Variants in UNC119B observed in about 807,000 individuals in gnomAD.
The protein encoded by UNC119B is unc-119 lipid binding chaperone B, also known as protein unc-119 homolog B.
A neutral mutation model predicts 23.4 loss-of-function variants in UNC119B; 16 were observed. That is an observed-to-expected ratio of 0.68 (90% CI 0.46 to 1.04). The LOEUF is 1.04. Among genes scored for constraint, UNC119B ranks in the 50% least tolerant of loss-of-function variants. The pLI, the probability that UNC119B is intolerant of heterozygous loss-of-function variation, is 0.00. For missense variants in UNC119B, 350 were observed against 361.3 expected (o/e 0.97, Z 0.25); for synonymous variants, 144 against 145.4 (o/e 0.99, Z 0.07).
rs1158711136 is a variant in UNC119B at position 120,720,660 on chromosome 12, C to T, written c.*628C>T. 1 of 152,346 alleles carries T rather than the reference C, an allele frequency of 6.6e-6. No individual in the cohort carries two copies. The highest frequency in any genetic ancestry group is 1.5e-5 in the Non-Finnish European group (1 of 68,074). 9.4% of individuals were successfully genotyped at this position (152,346 alleles called of 1,614,324 possible). ...AGAGGCTGCTGCTCTGTCTGACTTC[C>T]AGGGTCTCAGCCAGCCCTCCTGGGA... On this transcript the variant is annotated 3_prime_UTR_variant, in exon 5 of 5. Coordinates refer to ENST00000344651, the MANE Select transcript of UNC119B (RefSeq NM_001080533.3).
At position 120,710,640 on chromosome 12, in the gene UNC119B, G is replaced by T; in HGVS notation, c.166G>T (p.Ala56Ser). 6.9e-7 allele frequency: 1 copy of T among 1,447,754 alleles called. No homozygotes were observed. The highest frequency in any genetic ancestry group is 9.1e-7 in the Non-Finnish European group (1 of 1,104,760). 89.7% of individuals were successfully genotyped at this position (1,447,754 alleles called of 1,614,324 possible). ...HHAADDGVGAAVTEQELLALD... is the reference protein window; with the variant it reads ...HHAADDGVGASVTEQELLALD... ...CGCGGCCGACGACGGCGTCGGGGCA[G>T]CGGTCACGGAGCAGGAGCTGCTGGC... Residue 56 changes from alanine (A) to serine (S), a missense_variant, in exon 1 of 5, where the codon GCG becomes TCG. Physicochemically the swap from Ala to Ser is moderately conservative, Grantham distance 99. Coordinates refer to ENST00000344651, the MANE Select transcript of UNC119B (RefSeq NM_001080533.3).
At chr12:120,715,051 C>T (rs921470268) in intron 2 of UNC119B, among the ~76,000 whole-genome samples, 1 of 151,980 alleles carries the variant, frequency 6.6e-6, no homozygotes, top group Non-Finnish European at 1.5e-5. Flanking sequence ...ATTAGCCAGG[C>T]GTGGTGGCAC....
intron 2 of UNC119B, 77 bp from the exon 3 acceptor site, chr12:120,716,551 G>A (rs1882783454): frequency 6.8e-7 from 1 of 1,472,646 alleles, no homozygotes; most frequent in Non-Finnish European, 9.5e-7. Flanking sequence ...TTGCCATTGT[G>A]CTGTTGGGAC....
intron 4 of UNC119B, among the ~76,000 whole-genome samples, chr12:120,719,059 T>G (rs1211321263): frequency 6.6e-6 from 1 of 152,210 alleles, no homozygotes; most frequent in African/African-American, 2.4e-5. Flanking sequence ...AGTTTTGGCA[T>G]TGGTGGGTTC....
In UNC119B at chr12:120,710,707, G is replaced by A; in HGVS notation, c.233G>A (p.Arg78Gln). Residue 78 changes from arginine to glutamine, a missense_variant, in exon 1 of 5, where the codon CGG (arginine) becomes CAG (glutamine). Physicochemically the swap from Arg to Gln is conservative, Grantham distance 43 (BLOSUM62 1). Coordinates refer to ENST00000344651, the MANE Select transcript of UNC119B (RefSeq NM_001080533.3). Reference sequence around the variant, plus strand: ...CCCGAGCACGTCCTGCGCCTCAGCCGGGTCACCGAGAGTGAGTGCCGCGCG... The same window carrying A: ...CCCGAGCACGTCCTGCGCCTCAGCCAGGTCACCGAGAGTGAGTGCCGCGCG... ...IRPEHVLRLS[R>Q]VTENYLCKPE... 7.0e-7 allele frequency: 1 copy of A among 1,424,642 alleles called. No individual in the cohort carries two copies. The highest frequency in any genetic ancestry group is 9.2e-7 in the Non-Finnish European group (1 of 1,092,040). The allele number at this position is 1,424,642 out of a possible 1,614,324, so 88.3% of individuals were successfully genotyped here.
intron 1 of UNC119B, among the ~76,000 whole-genome samples, chr12:120,712,849 C>G (rs549023644): frequency 6.6e-6 from 1 of 152,210 alleles, no homozygotes; most frequent in East Asian, 1.9e-4. Context: ...GTTTGCTGAT[C>G]TCGGCTTTCT....
In UNC119B at chr12:120,710,681, G is replaced by C; in HGVS notation, c.207G>C (p.Arg69=). 16 of 1,447,172 alleles carry C rather than the reference G, an allele frequency of 1.1e-5. No individual in the cohort carries two copies. Among genetic ancestry groups the C allele is most frequent in the Non-Finnish European group, 1.4e-5 (16 of 1,104,526 alleles). The allele number at this position is 1,447,172 out of a possible 1,614,324, so 89.6% of individuals were successfully genotyped here. The change falls in exon 1 of 5, where the codon CGG becomes CGC. Residue 69 remains arginine (R), a synonymous_variant. Coordinates refer to ENST00000344651, the MANE Select transcript of UNC119B (RefSeq NM_001080533.3). ...EQELLALDTI[R]PEHVLRLSRV... ...AGCTGCTGGCGCTGGACACCATCCG[G>C]CCCGAGCACGTCCTGCGCCTCAGCC...
In UNC119B at chr12:120,720,400, A is replaced by C. The variant is rs556688340; in HGVS notation, c.*368A>C. ...TGAGAAGGCTCTGGCCAGGCCCACC[A>C]GCAGGTCAGCAGCTCTTAAGGTTCC... On this transcript the variant is annotated 3_prime_UTR_variant, in exon 5 of 5. Coordinates refer to ENST00000344651, the MANE Select transcript of UNC119B (RefSeq NM_001080533.3). The C allele has an allele frequency of 5.5e-6, 1 of 182,638 alleles. No individual in the cohort carries two copies. Among genetic ancestry groups the C allele is most frequent in the African/African-American group, 2.4e-5 (1 of 42,082 alleles). The allele number at this position is 182,638 out of a possible 1,614,324, so 11.3% of individuals were successfully genotyped here.
chr12:120,715,409 A>G (rs1218743641), intron 2 of UNC119B, among the ~76,000 whole-genome samples: 1 of 152,150 alleles, frequency 6.6e-6, no homozygotes, highest in African/African-American at 2.4e-5. Flanking sequence ...TGATGCTGAA[A>G]AAGTCTTCTC....
At chr12:120,711,009 C>T (rs936546134) in intron 1 of UNC119B, 1 of 262,878 alleles carries the variant, frequency 3.8e-6, no homozygotes, top group African/African-American at 2.2e-5. Context: ...GTAGAGGGCC[C>T]CGTTCAGCTG....
chr12:120,718,402 G>C (rs1807133156), intron 4 of UNC119B, among the ~76,000 whole-genome samples: 1 of 152,204 alleles, frequency 6.6e-6, no homozygotes, highest in South Asian at 2.1e-4. Flanking sequence ...CAAGGCCAGA[G>C]GACTTCTTTT....
chr12:120,713,065 A>C (rs1882701209), intron 1 of UNC119B, among the ~76,000 whole-genome samples: 1 of 152,258 alleles, frequency 6.6e-6, no homozygotes, highest in Non-Finnish European at 1.5e-5. Context: ...TTTCATCCAA[A>C]GCAAGTCCTT....
chr12:120,716,690 C>A lies in UNC119B; in HGVS notation c.421C>A (p.Arg141Ser). ...DVDISAGRFV[R>S]YQFTPAFLRL... is the part of the protein sequence containing the mutation. ...GGACATCAGCGCAGGACGTTTTGTC[C>A]GCTATCAGTTCACACCGGCATTTCT... is the stretch of plus-strand genomic sequence containing the variant. Residue 141 changes from arginine to serine, a missense_variant, in exon 3 of 5, where the codon CGC becomes AGC. By Grantham distance (110) the Arg-to-Ser change is moderately radical. Transcript: ENST00000344651. The A allele has an allele frequency of 6.2e-7, 1 of 1,614,148 alleles. No homozygotes were observed. The highest frequency in any genetic ancestry group is 8.5e-7 in the Non-Finnish European group (1 of 1,180,028).
chr12:120,720,010 A>G lies in UNC119B; in HGVS notation c.734A>G (p.Tyr245Cys), dbSNP rs1468502736. ...NKLIMHNKAD[Y>C]AYNGGQ ...CTGATAATGCACAACAAGGCTGATT[A>G]TGCCTATAATGGAGGCCAGTAAGTG... The change falls in exon 5 of 5, where the codon TAT (tyrosine) becomes TGT (cysteine). Residue 245 changes from tyrosine to cysteine, a missense_variant. By Grantham distance (194) the Tyr-to-Cys change is radical (BLOSUM62 -2). Transcript: ENST00000344651. 6.2e-7 allele frequency: 1 copy of G among 1,613,810 alleles called. No homozygotes were observed. The highest frequency in any genetic ancestry group is 1.3e-5 in the African/African-American group (1 of 74,922).
In UNC119B at chr12:120,713,472, G is replaced by A. The variant is rs1436768871; in HGVS notation, c.358+85G>A. The A allele has an allele frequency of 5.4e-5, 56 of 1,030,986 alleles. 1 individual carries two copies. Among genetic ancestry groups the A allele is most frequent in the Non-Finnish European group, 7.7e-5 (52 of 676,268 alleles). 63.9% of individuals were successfully genotyped at this position (1,030,986 alleles called of 1,614,324 possible). A position where few individuals can be genotyped will look rare whatever the true frequency, so the allele number is the denominator to read the frequency against. ...AAATCTTTGTGTGCCACTGCATCCT[G>A]TTTCTTGGACTCCAGTGTGTCCCAC... On this transcript the variant is annotated intron_variant, in intron 2 of 4. Transcript: ENST00000344651.
In UNC119B at chr12:120,722,688, T is replaced by A. The variant is rs932692140; in HGVS notation, c.*2656T>A. On this transcript the variant is annotated 3_prime_UTR_variant, in exon 5 of 5. Coordinates refer to ENST00000344651, the MANE Select transcript of UNC119B (RefSeq NM_001080533.3). ...GCTTCTGTTCCTTTGCCTTGCAGTC[T>A]CCTGGAGAGAGCCTCTCTTTTCCTG... 1.3e-5 allele frequency: 2 copies of A among 152,238 alleles called. No homozygotes were observed. The highest frequency in any genetic ancestry group is 6.5e-5 in the Admixed American group (1 of 15,286). 9.4% of individuals were successfully genotyped at this position (152,238 alleles called of 1,614,324 possible). A position where few individuals can be genotyped will look rare whatever the true frequency, so the allele number is the denominator to read the frequency against.
At chr12:120,713,423 T>C (rs1225599724) in intron 2 of UNC119B, 36 bp downstream of exon 2, 1 of 1,516,162 alleles carries the variant, frequency 6.6e-7, no homozygotes, top group Admixed American at 1.8e-5. Flanking sequence ...CTAGACAGTT[T>C]TGAGCCAAAG....
intron 3 of UNC119B, 33 bp from the exon 4 acceptor site, chr12:120,716,837 G>A (rs770003025): frequency 1.2e-6 from 2 of 1,604,660 alleles, no homozygotes; most frequent in South Asian, 1.1e-5. Flanking sequence ...GAGGGAGGAG[G>A]CAAAGTCGGG....
Position 120,716,670 on chromosome 12 carries a change from T to C in UNC119B, c.401T>C (p.Ile134Thr), listed in dbSNP as rs1326835094. The change falls in exon 3 of 5, where the codon ATC becomes ACC. Residue 134 changes from isoleucine (I) to threonine (T), a missense_variant. By Grantham distance (89) the Ile-to-Thr change is moderately conservative. Coordinates refer to ENST00000344651, the MANE Select transcript of UNC119B (RefSeq NM_001080533.3). ...DEEEGGGDVD[I>T]SAGRFVRYQF... The stretch of plus-strand genomic sequence containing the variant: ...GAGGAGGGAGGTGGAGACGTGGACA[T>C]CAGCGCAGGACGTTTTGTCCGCTAT... The C allele has an allele frequency of 6.2e-7, 1 of 1,614,162 alleles. No homozygotes were observed. Among genetic ancestry groups the C allele is most frequent in the Non-Finnish European group, 8.5e-7 (1 of 1,180,030 alleles).
Sources: gnomAD v4.1 joint callset for allele counts (sites outside exome capture counted in the v4.1 genomes callset) on GRCh38, gnomAD v4.1.1 for gene constraint, MANE v1.5 for transcripts, NCBI Gene and HGNC (gene_info 2026-07-23, HGNC 2026-07-21) for gene names.